Variants in ROBO2 observed in about 807,000 individuals in gnomAD.
ROBO2 encodes the protein roundabout guidance receptor 2, also known as roundabout homolog 2.
In ROBO2, 53 loss-of-function variants were observed where a neutral mutation model predicts 160.8. The ratio of observed to expected loss-of-function variants is 0.33; its 90% CI spans 0.26 to 0.41. ROBO2 has a LOEUF of 0.41. Ranked by LOEUF, ROBO2 falls within the 10% of genes least tolerant of loss-of-function variation. The probability of loss-of-function intolerance (pLI) is 1.00; values close to 1 mark genes in which losing one functional copy is unlikely to be tolerated. For synonymous variants in ROBO2, 664 were observed against 611.7 expected, an observed-to-expected ratio of 1.09 and a Z score of -1.26; for missense variants, 1,577 against 1,722.4, an observed-to-expected ratio of 0.92 and a Z score of 1.49.
intron 2 of ROBO2, among the ~76,000 whole-genome samples, chr3:76,965,279 T>C (rs527999942): frequency 1.3e-5 from 2 of 152,386 alleles, no homozygotes; most frequent in East Asian, 1.9e-4. Context: ...ATCTCTGCTG[T>C]GGACGGAGAG....
intron 2 of ROBO2, among the ~76,000 whole-genome samples, chr3:76,596,771 C>A (rs2086762106): frequency 6.6e-6 from 1 of 152,002 alleles, no homozygotes; most frequent in African/African-American, 2.4e-5. Context: ...ACCCATTCAC[C>A]CTGATGGCCC....
At chr3:76,299,191 A>G (rs1226897306) in intron 2 of ROBO2, among the ~76,000 whole-genome samples, 1 of 152,220 alleles carries the variant, frequency 6.6e-6, no homozygotes, top group East Asian at 1.9e-4. Context: ...ATAGCATGTT[A>G]AAAATTTATA....
intron 2 of ROBO2, among the ~76,000 whole-genome samples, chr3:76,447,126 G>T (rs374209838): frequency 2.6e-5 from 4 of 152,082 alleles, no homozygotes; most frequent in South Asian, 4.1e-4. Flanking sequence ...GGGAGAAAAT[G>T]TTTGCAATCT....
intron 2 of ROBO2, among the ~76,000 whole-genome samples, chr3:76,950,151 G>T (rs2078870786): frequency 6.6e-6 from 1 of 152,062 alleles, no homozygotes; most frequent in Non-Finnish European, 1.5e-5. Flanking sequence ...ACTGATAGGT[G>T]GTCTCTTTAA....
chr3:76,761,758 A>G (rs540605511), intron 2 of ROBO2, among the ~76,000 whole-genome samples: 1 of 151,844 alleles, frequency 6.6e-6, no homozygotes, highest in East Asian at 2.0e-4. Flanking sequence ...ATGTCTTGAT[A>G]GAACATTGAA....
chr3:77,244,952 C>CTTTT (rs11449199), intron 2 of ROBO2, among the ~76,000 whole-genome samples: 1 of 145,192 alleles, frequency 6.9e-6, no homozygotes, highest in African/African-American at 2.5e-5. Flanking sequence ...AAATGAACAG[C>CTTTT]TTTTTTTTTT....
intron 2 of ROBO2, among the ~76,000 whole-genome samples, chr3:76,353,739 TGGA>T (rs2075007654): frequency 6.6e-6 from 1 of 152,016 alleles, no homozygotes; most frequent in African/African-American, 2.4e-5. Flanking sequence ...TTGTGTTTAT[TGGA>T]TGGGTTCAGG....
intron 6 of ROBO2, among the ~76,000 whole-genome samples, chr3:77,524,500 C>T (rs925470788): frequency 6.6e-6 from 1 of 151,202 alleles, no homozygotes; most frequent in African/African-American, 2.4e-5. Flanking sequence ...TAATAAACAA[C>T]CAACCAATAA....
chr3:77,633,877 A>G (rs1480851151), intron 23 of ROBO2: 1 of 152,214 alleles, frequency 6.6e-6, no homozygotes, highest in African/African-American at 2.4e-5. Context: ...GAGAACGTGC[A>G]AGGAAACTAA....
intron 2 of ROBO2, among the ~76,000 whole-genome samples, chr3:76,773,360 G>A (rs2062036282): frequency 6.6e-6 from 1 of 150,766 alleles, no homozygotes; most frequent in Non-Finnish European, 1.5e-5. Flanking sequence ...AGAGTGGTCA[G>A]TCAGTCATAT....
At chr3:77,233,424 T>C (rs1025789379) in intron 2 of ROBO2, among the ~76,000 whole-genome samples, 3 of 152,106 alleles carry the variant, frequency 2.0e-5, no homozygotes, top group African/African-American at 7.2e-5. Context: ...GAATACACTA[T>C]TAGGCCCTGG....
chr3:76,517,345 A>G (rs9819857), intron 2 of ROBO2, among the ~76,000 whole-genome samples: 2,482 of 150,510 alleles, frequency 0.016, 73 homozygotes, highest in African/African-American at 0.058. Flanking sequence ...TAGAGTGACA[A>G]TTTGTTAAGT....
intron 2 of ROBO2, among the ~76,000 whole-genome samples, chr3:76,407,803 G>T (rs1009975266): frequency 2.0e-5 from 3 of 151,990 alleles, no homozygotes; most frequent in Non-Finnish European, 2.9e-5. Flanking sequence ...ACCCTTTTAG[G>T]AAAGAAACCA....
At chr3:77,533,616 T>C (rs6770973) in intron 6 of ROBO2, among the ~76,000 whole-genome samples, 15,553 of 152,106 alleles carry the variant, frequency 0.1, 1,687 homozygotes, top group African/African-American at 0.27. Flanking sequence ...CTTCGCACAT[T>C]GCTGCCACCA....
intron 2 of ROBO2, among the ~76,000 whole-genome samples, chr3:76,390,184 C>T (rs151301714): frequency 1.1e-3 from 169 of 152,196 alleles, no homozygotes; most frequent in African/African-American, 3.5e-3. Context: ...GCCCCACACC[C>T]TCCCCCACAA....
intron 2 of ROBO2, among the ~76,000 whole-genome samples, chr3:77,358,977 G>C (rs748100756): frequency 6.6e-6 from 1 of 152,182 alleles, no homozygotes; most frequent in Non-Finnish European, 1.5e-5. Flanking sequence ...TAGTTGTTCT[G>C]TTTGGTTTTG....
At chr3:77,164,595 C>G (rs1343230775) in intron 2 of ROBO2, among the ~76,000 whole-genome samples, 1 of 134,082 alleles carries the variant, frequency 7.5e-6, no homozygotes, top group Non-Finnish European at 1.6e-5. Flanking sequence ...GCGCCTCTGC[C>G]CGGCTGCCCC....
At chr3:76,917,992 C>G (rs2076428284) in intron 2 of ROBO2, among the ~76,000 whole-genome samples, 2 of 152,062 alleles carry the variant, frequency 1.3e-5, no homozygotes. Flanking sequence ...ACATACAAGG[C>G]AGAGATACGA....
chr3:77,054,923 CGTGTAT>C (rs976688421), intron 1 of ROBO2, among the ~76,000 whole-genome samples: 52 of 58,804 alleles, frequency 8.8e-4, no homozygotes, highest in African/African-American at 2.7e-3. Context: ...CAAAATCTCG[CGTGTAT>C]GTGTGTGTGT....
Sources: allele counts gnomAD v4.1 joint callset (sites outside exome capture counted in the v4.1 genomes callset), GRCh38; gene constraint gnomAD v4.1.1; transcripts MANE v1.5; gene names NCBI Gene and HGNC (gene_info 2026-07-23, HGNC 2026-07-21).